The following TMEM131 variants were observed in gnomAD, a reference collection of about 807,000 sequenced individuals.
TMEM131 encodes transmembrane protein 131.
In TMEM131, 66 loss-of-function variants were observed where a neutral mutation model predicts 211.6. The observed-to-expected ratio is 0.31, with a 90% CI of 0.26 to 0.38. The LOEUF (loss-of-function observed/expected upper bound fraction) is 0.38. Ranked by LOEUF, TMEM131 falls within the 10% of genes least tolerant of loss-of-function variation. The pLI is 1.00. For missense variants in TMEM131, 2,036 were observed against 2,299.3 expected (o/e 0.89, Z 2.34); for synonymous variants, 844 against 841.3 (o/e 1.00, Z -0.06).
intron 4 of TMEM131, among the ~76,000 whole-genome samples, chr2:97,886,109 T>C (rs1675145621): frequency 6.6e-6 from 1 of 152,150 alleles, no homozygotes; most frequent in African/African-American, 2.4e-5. Context: ...CTAGGATTTC[T>C]GTTTGGTTCT....
At chr2:97,832,025 A>AAAAAC in intron 11 of TMEM131, among the ~76,000 whole-genome samples, 1 of 150,690 alleles carries the variant, frequency 6.6e-6, no homozygotes, top group Non-Finnish European at 1.5e-5. Flanking sequence ...AAAAAAAAAA[A>AAAAAC]AGCAGCTCTA....
At chr2:97,920,673 G>C (rs1388186658) in intron 2 of TMEM131, among the ~76,000 whole-genome samples, 1 of 152,064 alleles carries the variant, frequency 6.6e-6, no homozygotes, top group East Asian at 1.9e-4. Flanking sequence ...CACTTTTATA[G>C]ATCAATAAAG....
intron 1 of TMEM131, among the ~76,000 whole-genome samples, chr2:97,977,746 G>A (rs181397881): frequency 6.6e-6 from 1 of 152,138 alleles, no homozygotes; most frequent in African/African-American, 2.4e-5. Flanking sequence ...GGTTGATCAG[G>A]ATCAGGATAA....
chr2:97,936,203 T>C (rs541569676), intron 1 of TMEM131, among the ~76,000 whole-genome samples: 16 of 152,314 alleles, frequency 1.1e-4, no homozygotes, highest in African/African-American at 3.8e-4. Flanking sequence ...ATGTGGTAGA[T>C]GACAGTTGGG....
At position 97,818,463 on chromosome 2, in the gene TMEM131, CGGG is replaced by C. The variant is rs1184208506; in HGVS notation, c.1183+147_1183+149del. On this transcript the variant is annotated intron_variant, in intron 12 of 40. Coordinates refer to ENST00000186436, the MANE Select transcript of TMEM131 (RefSeq NM_015348.2). ...AGTAAGAGTTCATGATGGTTTACAG[CGGG>C]GGGGGGCGGGGGGGGATCAACCTAA... is the stretch of plus-strand genomic sequence containing the variant. The C allele has an allele frequency of 7.0e-5, 20 of 283,890 alleles. 1 individual carries two copies. Among genetic ancestry groups the C allele is most frequent in the Admixed American group, 2.2e-4 (3 of 13,834 alleles). 17.6% of individuals were successfully genotyped at this position (283,890 alleles called of 1,614,324 possible).
At chr2:97,938,087 A>G (rs1677530795) in intron 1 of TMEM131, among the ~76,000 whole-genome samples, 1 of 152,226 alleles carries the variant, frequency 6.6e-6, no homozygotes, top group African/African-American at 2.4e-5. Flanking sequence ...CCAAATTGTA[A>G]AGACCATCAA....
At chr2:97,901,821 G>C (rs1675865405) in intron 3 of TMEM131, among the ~76,000 whole-genome samples, 1 of 152,098 alleles carries the variant, frequency 6.6e-6, no homozygotes, top group Admixed American at 6.6e-5. Flanking sequence ...AAGAGAGGTA[G>C]GCTACTGGGC....
intron 15 of TMEM131, 41 bp from the exon 16 acceptor site, chr2:97,812,790 T>C (rs1485187698): frequency 2.5e-5 from 27 of 1,098,698 alleles, no homozygotes; most frequent in Non-Finnish European, 3.4e-5. Context: ...AAAAGTCACA[T>C]TGATCTAACA....
chr2:97,941,770 A>C (rs1286273833), intron 1 of TMEM131, among the ~76,000 whole-genome samples: 1 of 152,198 alleles, frequency 6.6e-6, no homozygotes, highest in Non-Finnish European at 1.5e-5. Flanking sequence ...CAAAACCACA[A>C]TGCAATACCA....
At chr2:97,899,565 A>C (rs1462795437) in intron 3 of TMEM131, among the ~76,000 whole-genome samples, 1 of 152,186 alleles carries the variant, frequency 6.6e-6, no homozygotes, top group African/African-American at 2.4e-5. Context: ...ATCAGCAAAA[A>C]TAAAAAATGT....
chr2:97,990,146 T>C (rs978647987), intron 1 of TMEM131, among the ~76,000 whole-genome samples: 1 of 152,198 alleles, frequency 6.6e-6, no homozygotes, highest in Non-Finnish European at 1.5e-5. Context: ...CAACCAGGTA[T>C]CTAAGTCATC....
intron 4 of TMEM131, among the ~76,000 whole-genome samples, chr2:97,873,970 T>G (rs1674590225): frequency 6.6e-6 from 1 of 151,846 alleles, no homozygotes; most frequent in African/African-American, 2.4e-5. Context: ...AGCCAAGAAC[T>G]TTGAAAAAAA....
intron 39 of TMEM131, 150 bp downstream of exon 39, chr2:97,759,502 A>G (rs1194998278): frequency 1.5e-6 from 1 of 648,250 alleles, no homozygotes; most frequent in African/African-American, 1.8e-5. Context: ...ATGAGGGAGG[A>G]AGAGGGGAGG....
At chr2:97,775,757 C>G (rs1679690582) in intron 32 of TMEM131, 86 bp downstream of exon 32, 1 of 1,426,510 alleles carries the variant, frequency 7.0e-7, no homozygotes. Flanking sequence ...TGTACTAAAA[C>G]CAGAATCTAT....
chr2:97,861,879 A>G (rs1356839408), intron 4 of TMEM131, among the ~76,000 whole-genome samples: 1 of 152,016 alleles, frequency 6.6e-6, no homozygotes, highest in East Asian at 1.9e-4. Context: ...CCTTGAAGAA[A>G]CACACCTGGA....
chr2:97,965,038 A>G (rs1396839505), intron 1 of TMEM131, among the ~76,000 whole-genome samples: 1 of 152,198 alleles, frequency 6.6e-6, no homozygotes, highest in Non-Finnish European at 1.5e-5. Flanking sequence ...TCATGTCTTT[A>G]TGCCCCAAGA....
chr2:97,888,262 A>G, intron 3 of TMEM131, 142 bp from the exon 4 acceptor site: 1 of 569,484 alleles, frequency 1.8e-6, no homozygotes, highest in Non-Finnish European at 3.1e-6. Context: ...AATGTGCGTC[A>G]CTTTTTAAAT....
chr2:97,943,021 GAAAAGAAAAGAAAAGAAAAGAAAGA>G (rs1559464268), intron 1 of TMEM131, among the ~76,000 whole-genome samples: 3 of 39,212 alleles, frequency 7.7e-5, no homozygotes, highest in Admixed American at 2.6e-4. Flanking sequence ...GAAAAGAAAA[GAAAAGAAAAGAAAAGAAAAGAAAGA>G]AAGAAAGAAA....
intron 11 of TMEM131, among the ~76,000 whole-genome samples, chr2:97,830,153 A>C (rs1214873124): frequency 2.0e-5 from 3 of 151,062 alleles, no homozygotes; most frequent in East Asian, 1.9e-4. Context: ...AAAAAAAAAA[A>C]AAACCAAACC....
Sources: allele counts gnomAD v4.1 joint callset (sites outside exome capture counted in the v4.1 genomes callset), GRCh38; gene constraint gnomAD v4.1.1; transcripts MANE v1.5; gene names NCBI Gene and HGNC (gene_info 2026-07-23, HGNC 2026-07-21).